The following PGM5 variants were observed in gnomAD, a reference collection of about 807,000 sequenced individuals.
PGM5 encodes the protein phosphoglucomutase-like protein 5.
In PGM5, 23 loss-of-function variants were observed where a neutral mutation model predicts 59.2. The ratio of observed to expected loss-of-function variants is 0.39; its 90% CI spans 0.28 to 0.55. The LOEUF (loss-of-function observed/expected upper bound fraction) is 0.55. Among genes scored for constraint, PGM5 ranks in the 20% least tolerant of loss-of-function variants. The pLI is 0.66. For missense variants in PGM5, 574 were observed against 748.3 expected (o/e 0.77, Z 2.72); for synonymous variants, 214 against 286.0 (o/e 0.75, Z 2.54).
In PGM5 at chr9:68,362,644, T is replaced by G. The variant is rs573962498; in HGVS notation, c.261+5256T>G. ...CAGAGCCTCTTCAGTGGTTTAGATC[T>G]TCTATGTGTCAAATTATTCTAATCT... On this transcript the variant is annotated intron_variant, in intron 1 of 10. Transcript: ENST00000396396. Among the ~76,000 whole-genome samples the G allele has an allele frequency of 8.5e-3, 1,299 of 152,218 alleles. 14 individuals are homozygous for G. Among genetic ancestry groups the G allele is most frequent in the Non-Finnish European group, 0.014 (928 of 67,996 alleles).
intron 1 of PGM5, among the ~76,000 whole-genome samples, chr9:68,367,427 AG>A (rs1834700662): frequency 6.6e-6 from 1 of 152,186 alleles, no homozygotes; most frequent in Admixed American, 6.5e-5. Context: ...CAGACCAAGC[AG>A]GGGCTAAGAG....
chr9:68,376,018 G>A (rs1291918484), intron 1 of PGM5, among the ~76,000 whole-genome samples: 3 of 152,244 alleles, frequency 2.0e-5, no homozygotes, highest in Admixed American at 6.5e-5. Flanking sequence ...GGGCGATGGA[G>A]AATGGTACAT....
intron 1 of PGM5, among the ~76,000 whole-genome samples, chr9:68,377,634 C>A (rs1459328102): frequency 6.6e-6 from 1 of 152,140 alleles, no homozygotes; most frequent in Non-Finnish European, 1.5e-5. Flanking sequence ...GGTAATTTCT[C>A]CAATGTCTCC....
chr9:68,438,498 T>C (rs1346281075), intron 6 of PGM5, among the ~76,000 whole-genome samples: 1 of 152,144 alleles, frequency 6.6e-6, no homozygotes, highest in East Asian at 1.9e-4. Context: ...AATCTGAATG[T>C]TGAAAAAGCT....
At chr9:68,500,333 G>C (rs1253637916) in intron 10 of PGM5, among the ~76,000 whole-genome samples, 2 of 151,762 alleles carry the variant, frequency 1.3e-5, no homozygotes, top group African/African-American at 4.8e-5. Flanking sequence ...TTCATGGTCT[G>C]TTTCTTTGGA....
chr9:68,530,600 A>G lies in PGM5; in HGVS notation c.*944A>G, dbSNP rs1044033717. On this transcript the variant is annotated 3_prime_UTR_variant, in exon 11 of 11. Transcript: ENST00000396396. ...TGGACACATTTCTGATCTTATTTGTAAAGGCTGCAAAAGGAGAGGATGAAA... is the reference window on the plus strand; with the variant it reads ...TGGACACATTTCTGATCTTATTTGTGAAGGCTGCAAAAGGAGAGGATGAAA... The G allele has an allele frequency of 1.3e-5, 2 of 152,244 alleles. No individual in the cohort carries two copies. The highest frequency in any genetic ancestry group is 4.8e-5 in the African/African-American group (2 of 41,462). The allele number at this position is 152,244 out of a possible 1,614,324, so 9.4% of individuals were successfully genotyped here.
At chr9:68,525,665 C>T (rs958419982) in intron 10 of PGM5, among the ~76,000 whole-genome samples, 3 of 152,192 alleles carry the variant, frequency 2.0e-5, no homozygotes, top group Non-Finnish European at 2.9e-5. Flanking sequence ...AATTGCCTAA[C>T]GATGCATTTC....
intron 6 of PGM5, among the ~76,000 whole-genome samples, chr9:68,407,699 A>T (rs1178365278): frequency 6.6e-6 from 1 of 152,200 alleles, no homozygotes; most frequent in African/African-American, 2.4e-5. Flanking sequence ...TTGACTTTGT[A>T]TTGCCCACAC....
intron 1 of PGM5, among the ~76,000 whole-genome samples, chr9:68,369,455 G>A (rs1554676991): frequency 6.6e-6 from 1 of 152,026 alleles, no homozygotes; most frequent in African/African-American, 2.4e-5. Flanking sequence ...GCAACAAGTG[G>A]AGCCCTTTCT....
At chr9:68,418,057 C>T (rs1823064912) in intron 6 of PGM5, among the ~76,000 whole-genome samples, 1 of 152,252 alleles carries the variant, frequency 6.6e-6, no homozygotes, top group Non-Finnish European at 1.5e-5. Context: ...TCTCCCCTGA[C>T]AAGAGGCTGA....
intron 6 of PGM5, among the ~76,000 whole-genome samples, chr9:68,454,804 C>T (rs1265470766): frequency 6.6e-6 from 1 of 152,216 alleles, no homozygotes; most frequent in Non-Finnish European, 1.5e-5. Context: ...TTCCTGCTCA[C>T]TCAGCCTTAG....
At chr9:68,476,501 A>C (rs965736337) in intron 7 of PGM5, among the ~76,000 whole-genome samples, 3 of 152,196 alleles carry the variant, frequency 2.0e-5, no homozygotes, top group African/African-American at 7.2e-5. Flanking sequence ...TTTCTTGTTT[A>C]ATCTGCCTGT....
At chr9:68,423,746 A>C (rs1314839702) in intron 6 of PGM5, among the ~76,000 whole-genome samples, 4 of 152,014 alleles carry the variant, frequency 2.6e-5, no homozygotes, top group Non-Finnish European at 4.4e-5. Flanking sequence ...CAATTCCATA[A>C]ATAGTCAGAG....
At position 68,488,953 on chromosome 9, in the gene PGM5, G is replaced by A. The variant is rs118079149; in HGVS notation, c.1479+4905G>A. ...GAGTTCCCAGTTTATACCTTCTAAA[G>A]AGATAGGACAGAGAGGAGTTGTGTG... is the stretch of plus-strand genomic sequence containing the variant. On this transcript the variant is annotated intron_variant, in intron 9 of 10. Transcript: ENST00000396396. Among the ~76,000 whole-genome samples, 1,473 of 152,282 alleles carry A rather than the reference G, an allele frequency of 9.7e-3. 19 individuals are homozygous for A. Among genetic ancestry groups the A allele is most frequent in the Non-Finnish European group, 0.012 (814 of 68,028 alleles).
intron 4 of PGM5, among the ~76,000 whole-genome samples, chr9:68,391,119 A>T (rs180702697): frequency 2.2e-3 from 341 of 152,118 alleles, no homozygotes; most frequent in Middle Eastern, 6.8e-3. Context: ...GTGTTTAATT[A>T]TATACTTGGC....
rs1834468742 is a variant in PGM5, at chr9:68,357,194, G to A, written c.67G>A (p.Gly23Ser). ...TAPYEDQRPA[G>S]GGGLRRPTGL... ...GCCCTACGAGGACCAGCGGCCGGCC[G>A]GCGGCGGGGGTCTGCGGCGACCCAC... The change falls in exon 1 of 11, where the codon GGC becomes AGC. Residue 23 changes from glycine to serine, a missense_variant. By Grantham distance (56) the Gly-to-Ser change is moderately conservative. Coordinates refer to ENST00000396396, the MANE Select transcript of PGM5 (RefSeq NM_021965.4). 11 of 1,539,672 alleles carry A rather than the reference G, an allele frequency of 7.1e-6. No homozygotes were observed. Among genetic ancestry groups the A allele is most frequent in the African/African-American group, 1.4e-5 (1 of 72,910 alleles).
intron 6 of PGM5, among the ~76,000 whole-genome samples, chr9:68,458,422 C>G (rs996673510): frequency 6.6e-6 from 1 of 152,174 alleles, no homozygotes; most frequent in Non-Finnish European, 1.5e-5. Flanking sequence ...TGGTCAAACT[C>G]TAGAAGTTTA....
chr9:68,479,711 G>A (rs565303164), intron 8 of PGM5, among the ~76,000 whole-genome samples, 158 bp downstream of exon 8: 1 of 152,290 alleles, frequency 6.6e-6, no homozygotes, highest in African/African-American at 2.4e-5. Flanking sequence ...GAGGTGGGCG[G>A]ATCACGAGGT....
intron 6 of PGM5, among the ~76,000 whole-genome samples, chr9:68,449,546 C>T (rs1270535916): frequency 1.3e-5 from 2 of 152,178 alleles, no homozygotes; most frequent in Non-Finnish European, 2.9e-5. Flanking sequence ...CACACAGGCA[C>T]CTTCCCCTAC....
Sources: allele counts gnomAD v4.1 joint callset (sites outside exome capture counted in the v4.1 genomes callset), GRCh38; gene constraint gnomAD v4.1.1; transcripts MANE v1.5; gene names NCBI Gene and HGNC (gene_info 2026-07-23, HGNC 2026-07-21).